The following CNGB3 variants were observed in gnomAD, a reference collection of about 807,000 sequenced individuals.
CNGB3 encodes cyclic nucleotide gated channel subunit beta 3, also known as cyclic nucleotide-gated channel beta-3.
CNGB3 carries 86 observed loss-of-function variants against 92.8 expected under a neutral mutation model. The observed-to-expected ratio is 0.93, with a 90% CI of 0.78 to 1.11. The LOEUF is 1.11. CNGB3 is among the 50% of genes least tolerant of loss of function. The probability of loss-of-function intolerance (pLI) is 0.00; values close to 1 mark genes in which losing one functional copy is unlikely to be tolerated. For missense variants in CNGB3, 1,026 were observed against 956.8 expected, an observed-to-expected ratio of 1.07 and a Z score of -0.95; for synonymous variants, 333 against 332.7, an observed-to-expected ratio of 1.00 and a Z score of -0.01.
At chr8:86,654,259 A>G (rs754517399) in intron 6 of CNGB3, among the ~76,000 whole-genome samples, 197 bp from the exon 7 acceptor site, 1 of 152,138 alleles carries the variant, frequency 6.6e-6, no homozygotes, top group Non-Finnish European at 1.5e-5. Flanking sequence ...GTTTGCCACA[A>G]TCAAGCTTCT....
At chr8:86,614,998 A>G (rs1319968292) in intron 13 of CNGB3, among the ~76,000 whole-genome samples, 1 of 151,168 alleles carries the variant, frequency 6.6e-6, no homozygotes, top group African/African-American at 2.5e-5. Context: ...GAATATTCAG[A>G]AAAAAAATAG....
intron 15 of CNGB3, among the ~76,000 whole-genome samples, chr8:86,581,687 T>C (rs145339014): frequency 1.3e-3 from 201 of 152,260 alleles, no homozygotes; most frequent in Admixed American, 3.1e-3. Context: ...TACAAAAAAC[T>C]GAAACTTTAT....
intron 7 of CNGB3, among the ~76,000 whole-genome samples, chr8:86,653,252 C>T (rs1425149700): frequency 7.9e-5 from 12 of 151,828 alleles, no homozygotes; most frequent in Non-Finnish European, 1.2e-4. Flanking sequence ...TTGTAGAATT[C>T]ATCAAAGCAG....
Position 86,627,788 on chromosome 8 carries a change from G to A in CNGB3, c.1480+1131C>T, listed in dbSNP as rs190325684. Among the ~76,000 whole-genome samples, 12 of 152,268 alleles carry A rather than the reference G, an allele frequency of 7.9e-5. No homozygotes were observed. The East Asian group carries it at 2.3e-3, about 29-fold the overall frequency. ...GAGGCAGGATGGGAGTGGCCTGAAA[G>A]GTTGCTGCTTTCTATTAGTACAGTT... On this transcript the variant is annotated intron_variant, in intron 12 of 17. Transcript: ENST00000320005.
In CNGB3 at chr8:86,610,384, C is replaced by A. The variant is rs1822495665; in HGVS notation, c.1662+1204G>T. ...ACCTTATTATAGTTCTCTGCACTCC[C>A]TCTATAGACACAGTTCCTTCCTTTT... On this transcript the variant is annotated intron_variant, in intron 14 of 17. Transcript: ENST00000320005. Among the ~76,000 whole-genome samples, 3 of 152,162 alleles carry A rather than the reference C, an allele frequency of 2.0e-5. 1 individual carries two copies. The highest frequency in any genetic ancestry group is 2.0e-4 in the Admixed American group (3 of 15,262).
At chr8:86,606,304 C>T (rs1029657298) in intron 14 of CNGB3, among the ~76,000 whole-genome samples, 1 of 151,892 alleles carries the variant, frequency 6.6e-6, no homozygotes, top group Non-Finnish European at 1.5e-5. Context: ...GCATAAGCCA[C>T]CATGCCTGGC....
At chr8:86,635,975 A>G (rs1188097021) in intron 10 of CNGB3, among the ~76,000 whole-genome samples, 1 of 150,874 alleles carries the variant, frequency 6.6e-6, no homozygotes, top group African/African-American at 2.4e-5. Context: ...AACAAACATA[A>G]CATGCAATTT....
chr8:86,667,059 G>A lies in CNGB3; in HGVS notation c.718C>T (p.Leu240Phe). The A allele has an allele frequency of 6.2e-7, 1 of 1,614,128 alleles. No homozygotes were observed. The highest frequency in any genetic ancestry group is 2.2e-5 in the East Asian group (1 of 44,870). Residue 240 changes from leucine (L) to phenylalanine (F), a missense_variant, in exon 6 of 18, where the codon CTC (leucine) becomes TTC (phenylalanine). Coordinates refer to ENST00000320005, the MANE Select transcript of CNGB3 (RefSeq NM_019098.5). ...NWNCCFIPLR[L>F]VFPYQTADNI... ...TCTGCGGTTTGATATGGGAAGACGAGGCGCAGTGGTATAAAACAGCAGTTC... is the reference window on the plus strand; with the variant it reads ...TCTGCGGTTTGATATGGGAAGACGAAGCGCAGTGGTATAAAACAGCAGTTC...
chr8:86,616,717 C>T (rs533437885), intron 13 of CNGB3, among the ~76,000 whole-genome samples: 2 of 152,182 alleles, frequency 1.3e-5, no homozygotes, highest in Admixed American at 6.5e-5. Flanking sequence ...ACTGTCTTAT[C>T]CTTACCTGTT....
intron 13 of CNGB3, among the ~76,000 whole-genome samples, chr8:86,614,459 C>G (rs2362266): frequency 0.12 from 18,352 of 152,068 alleles, 1,474 homozygotes; most frequent in East Asian, 0.32. Context: ...CTCTCTCTCC[C>G]CACTGGTTGA....
Position 86,668,076 on chromosome 8 carries a change from G to A in CNGB3, c.586C>T (p.Pro196Ser). The A allele has an allele frequency of 1.9e-6, 3 of 1,613,720 alleles. No individual in the cohort carries two copies. In the South Asian group the frequency reaches 3.3e-5, roughly 18 times the overall value. Residue 196 changes from proline to serine, a missense_variant, in exon 5 of 18, where the codon CCT (proline) becomes TCT (serine). Pro to Ser is a moderately conservative substitution (Grantham distance 74). Transcript: ENST00000320005. The stretch of plus-strand genomic sequence containing the variant: ...ATTCGCTTTAAGTACTCTGTTAAAG[G>A]CATCTTTTTGACTTTGAACCACAAC... ...RLLWFKVKKM[P>S]LTEYLKRIKL...
intron 6 of CNGB3, among the ~76,000 whole-genome samples, chr8:86,655,027 C>T (rs2131603791): frequency 6.6e-6 from 1 of 152,300 alleles, no homozygotes; most frequent in South Asian, 2.1e-4. Flanking sequence ...CATCATCATT[C>T]TTCATTCTCC....
intron 12 of CNGB3, 141 bp downstream of exon 12, chr8:86,628,778 G>T: frequency 3.5e-6 from 3 of 850,748 alleles, no homozygotes; most frequent in Non-Finnish European, 3.7e-6. Flanking sequence ...AAAAAAACCT[G>T]TAGCATTAAA....
At chr8:86,576,554 C>T (rs1821665626) in intron 17 of CNGB3, among the ~76,000 whole-genome samples, 1 of 152,164 alleles carries the variant, frequency 6.6e-6, no homozygotes. Flanking sequence ...GGGTTTTCCT[C>T]TTGCCTAAGC....
intron 3 of CNGB3, among the ~76,000 whole-genome samples, chr8:86,702,823 A>G (rs1394006604): frequency 2.6e-5 from 4 of 151,854 alleles, no homozygotes; most frequent in Non-Finnish European, 5.9e-5. Flanking sequence ...TTTAATATAT[A>G]TATTAAGTAT....
At chr8:86,631,361 G>A (rs145023643) in intron 11 of CNGB3, among the ~76,000 whole-genome samples, 62 of 152,162 alleles carry the variant, frequency 4.1e-4, no homozygotes, top group African/African-American at 1.3e-3. Context: ...TGTGAAAATC[G>A]TCTTGCACAT....
intron 7 of CNGB3, among the ~76,000 whole-genome samples, chr8:86,653,788 C>T (rs1041364241): frequency 1.3e-5 from 2 of 152,042 alleles, no homozygotes; most frequent in Non-Finnish European, 2.9e-5. Flanking sequence ...AATCTGGGCA[C>T]TAACTTATTT....
chr8:86,620,271 C>T (rs1822698562), intron 13 of CNGB3, among the ~76,000 whole-genome samples: 1 of 152,170 alleles, frequency 6.6e-6, no homozygotes, highest in African/African-American at 2.4e-5. Context: ...CAAAGTTATA[C>T]AGGCTGTGTG....
chr8:86,659,455 C>T (rs1823587773), intron 6 of CNGB3: 1 of 627,402 alleles, frequency 1.6e-6, no homozygotes, highest in South Asian at 1.8e-5. Flanking sequence ...ACTTCTCTGT[C>T]ACTAGGACTC....
Sources: gnomAD v4.1 joint callset for allele counts (sites outside exome capture counted in the v4.1 genomes callset) on GRCh38, gnomAD v4.1.1 for gene constraint, MANE v1.5 for transcripts, NCBI Gene and HGNC (gene_info 2026-07-23, HGNC 2026-07-21) for gene names.